ACTR3C: variants seen among roughly 807,000 people sequenced by gnomAD.
ACTR3C encodes the protein actin related protein 3C.
In ACTR3C, 18 loss-of-function variants were observed where a neutral mutation model predicts 26.3. The ratio of observed to expected loss-of-function variants is 0.68; its 90% CI spans 0.47 to 1.01. The LOEUF (loss-of-function observed/expected upper bound fraction) is 1.01. Ranked by LOEUF, ACTR3C falls within the 50% of genes least tolerant of loss-of-function variation. The pLI is 0.00. For missense variants in ACTR3C, 184 were observed against 250.7 expected (o/e 0.73, Z 1.80); for synonymous variants, 55 against 94.5 (o/e 0.58, Z 2.42).
At chr7:150,314,086 C>A (rs866429521) in intron 1 of ACTR3C, among the ~76,000 whole-genome samples, 2 of 152,320 alleles carry the variant, frequency 1.3e-5, no homozygotes, top group African/African-American at 4.8e-5. Context: ...CCAGGTCACT[C>A]ATGCTAAGCT....
At chr7:149,982,385 T>A in the ACTR3C span, among the ~76,000 whole-genome samples, 1 of 152,118 alleles carries the variant, frequency 6.6e-6, no homozygotes, top group Non-Finnish European at 1.5e-5. Flanking sequence ...TTATCCTCCT[T>A]CCTCTACCTC....
the ACTR3C span, among the ~76,000 whole-genome samples, chr7:150,227,926 A>G: frequency 0.012 from 1,767 of 152,032 alleles, 45 homozygotes; most frequent in African/African-American, 0.04. Flanking sequence ...ATTTGGTAAT[A>G]AAAGGGCTCA....
the ACTR3C span, among the ~76,000 whole-genome samples, chr7:149,915,798 C>A: frequency 6.6e-6 from 1 of 150,510 alleles, no homozygotes; most frequent in Non-Finnish European, 1.5e-5. Context: ...AGTATTTGTA[C>A]ATGTATGCAA....
the ACTR3C span, among the ~76,000 whole-genome samples, chr7:150,068,626 A>AAAG: frequency 1.3e-5 from 2 of 150,114 alleles, no homozygotes; most frequent in Non-Finnish European, 1.5e-5. Flanking sequence ...AAAATACAAA[A>AAAG]AAAAAAAATA....
At chr7:150,141,400 A>T in the ACTR3C span, among the ~76,000 whole-genome samples, 1 of 152,160 alleles carries the variant, frequency 6.6e-6, no homozygotes, top group Non-Finnish European at 1.5e-5. Context: ...GGTGAGCGCC[A>T]GGACACCTGG....
chr7:149,957,855 T>C, the ACTR3C span, among the ~76,000 whole-genome samples: 1 of 152,116 alleles, frequency 6.6e-6, no homozygotes, highest in Non-Finnish European at 1.5e-5. Context: ...GGACCTCCTC[T>C]GAGTCTGGCC....
the ACTR3C span, among the ~76,000 whole-genome samples, chr7:150,043,775 T>G: frequency 2.0e-5 from 3 of 152,192 alleles, no homozygotes; most frequent in East Asian, 5.8e-4. Context: ...ACTTAAAAAA[T>G]TTTAAATTAC....
At chr7:150,265,937 G>A (rs2530956) in intron 6 of ACTR3C, among the ~76,000 whole-genome samples, 3 of 151,942 alleles carry the variant, frequency 2.0e-5, no homozygotes, top group South Asian at 2.1e-4. Context: ...AACTGAGAAC[G>A]TTCTTTTACG....
At chr7:150,153,895 A>G in the ACTR3C span, among the ~76,000 whole-genome samples, 10 of 143,500 alleles carry the variant, frequency 7.0e-5, no homozygotes, top group East Asian at 2.1e-4. Flanking sequence ...ATGCAGCCAT[A>G]AAAAATGATG....
chr7:149,904,890 G>T, the ACTR3C span, among the ~76,000 whole-genome samples: 1 of 150,606 alleles, frequency 6.6e-6, no homozygotes, highest in Admixed American at 6.6e-5. Flanking sequence ...GCTGGACGTG[G>T]TGGTGGGCGC....
the ACTR3C span, among the ~76,000 whole-genome samples, chr7:149,898,330 C>G: frequency 6.6e-6 from 1 of 152,258 alleles, no homozygotes; most frequent in Non-Finnish European, 1.5e-5. Flanking sequence ...TGTGCCAACA[C>G]AAGTGACAGA....
At chr7:150,172,835 C>T in the ACTR3C span, among the ~76,000 whole-genome samples, 1 of 150,618 alleles carries the variant, frequency 6.6e-6, no homozygotes, top group Admixed American at 6.6e-5. Flanking sequence ...TTACAGGGCC[C>T]ATGCAAGTCT....
chr7:150,261,146 A>G (rs568320152), intron 6 of ACTR3C, among the ~76,000 whole-genome samples: 2 of 152,352 alleles, frequency 1.3e-5, no homozygotes, highest in Non-Finnish European at 2.9e-5. Context: ...ACTTTTCAAG[A>G]TATTTGGAGC....
intron 1 of ACTR3C, among the ~76,000 whole-genome samples, chr7:150,301,588 C>T (rs1304429388): frequency 6.6e-6 from 1 of 152,096 alleles, no homozygotes; most frequent in African/African-American, 2.4e-5. Flanking sequence ...TAAAACTAAC[C>T]TGCTGCAAAT....
At chr7:150,031,285 A>AC in the ACTR3C span, among the ~76,000 whole-genome samples, 3 of 141,892 alleles carry the variant, frequency 2.1e-5, no homozygotes, top group African/African-American at 7.7e-5. Context: ...TAAAAAAAAA[A>AC]AAACAAATCT....
chr7:150,270,711 T>C (rs1349484779), intron 6 of ACTR3C, among the ~76,000 whole-genome samples: 2 of 152,010 alleles, frequency 1.3e-5, no homozygotes, highest in Non-Finnish European at 2.9e-5. Flanking sequence ...CCACCTTGTA[T>C]AGACCAATTT....
At chr7:150,201,458 T>C in the ACTR3C span, among the ~76,000 whole-genome samples, 1 of 152,178 alleles carries the variant, frequency 6.6e-6, no homozygotes, top group Non-Finnish European at 1.5e-5. Context: ...AGTTTCTTAC[T>C]TTTTTTAGGC....
intron 6 of ACTR3C, among the ~76,000 whole-genome samples, chr7:150,283,912 C>T (rs1427434151): frequency 2.7e-5 from 4 of 149,918 alleles, no homozygotes; most frequent in African/African-American, 7.6e-5. Context: ...CTCACCATCT[C>T]AGGCTGTCAG....
In ACTR3C at chr7:150,286,379, G is replaced by T. The variant is rs1387602798; in HGVS notation, c.459C>A (p.Phe153Leu). 1.9e-6 allele frequency: 3 copies of T among 1,613,852 alleles called. No homozygotes were observed. The highest frequency in any genetic ancestry group is 2.5e-6 in the Non-Finnish European group (3 of 1,180,010). Residue 153 changes from phenylalanine (F) to leucine (L), a missense_variant, in exon 5 of 8, where the codon TTC becomes TTA. By Grantham distance (22) the Phe-to-Leu change is conservative. Transcript: ENST00000683684. ...GYERFLGPEI[F>L]FHPEFANPDS... ...AGAAACACCTTACCTCCGGGTGAAA[G>T]AATATTTCAGGTCCCAGGAATCTTT...
Sources: allele counts gnomAD v4.1 joint callset (sites outside exome capture counted in the v4.1 genomes callset), GRCh38; gene constraint gnomAD v4.1.1; transcripts MANE v1.5; gene names NCBI Gene and HGNC (gene_info 2026-07-23, HGNC 2026-07-21).